Variants in ATP8A2 observed in about 807,000 individuals in gnomAD.
ATP8A2 encodes ATPase phospholipid transporting 8A2, also known as phospholipid-transporting ATPase IB.
Under a neutral mutation model 165.6 loss-of-function variants are expected in ATP8A2, and 100 were observed. That is an observed-to-expected ratio of 0.60 (90% CI 0.51 to 0.71). The LOEUF (loss-of-function observed/expected upper bound fraction) is 0.71. ATP8A2 is among the 30% of genes least tolerant of loss of function. The probability of loss-of-function intolerance (pLI) is 0.00; values close to 1 mark genes in which losing one functional copy is unlikely to be tolerated. For missense variants in ATP8A2, 1,227 were observed against 1,479.5 expected, an observed-to-expected ratio of 0.83 and a Z score of 2.80; for synonymous variants, 543 against 548.8, an observed-to-expected ratio of 0.99 and a Z score of 0.15.
intron 25 of ATP8A2, among the ~76,000 whole-genome samples, chr13:25,703,474 G>T (rs1303727816): frequency 6.6e-6 from 1 of 152,064 alleles, no homozygotes; most frequent in Non-Finnish European, 1.5e-5. Flanking sequence ...ACACCCAAAA[G>T]AATTAAAAAC....
At chr13:25,573,327 A>G (rs1382576132) in intron 18 of ATP8A2, among the ~76,000 whole-genome samples, 1 of 144,928 alleles carries the variant, frequency 6.9e-6, no homozygotes, top group Non-Finnish European at 1.5e-5. Context: ...TGGAACCTAG[A>G]GAGCCTATTG....
intron 1 of ATP8A2, among the ~76,000 whole-genome samples, chr13:25,466,690 G>C (rs546058215): frequency 6.6e-6 from 1 of 152,284 alleles, no homozygotes; most frequent in South Asian, 2.1e-4. Context: ...AGAGGGCAGG[G>C]CCCGGGAACT....
At chr13:25,757,527 A>ATGTG in intron 25 of ATP8A2, among the ~76,000 whole-genome samples, 1 of 116,336 alleles carries the variant, frequency 8.6e-6, no homozygotes, top group Admixed American at 8.4e-5. Context: ...GTGTGTGTGC[A>ATGTG]CACGCACTTA....
chr13:25,942,452 C>T (rs1955096673), intron 33 of ATP8A2, among the ~76,000 whole-genome samples: 1 of 152,010 alleles, frequency 6.6e-6, no homozygotes. Flanking sequence ...GATGAAGTCT[C>T]GCTCTTGTAC....
intron 24 of ATP8A2, among the ~76,000 whole-genome samples, chr13:25,611,190 G>C (rs1270394182): frequency 6.6e-6 from 1 of 152,012 alleles, no homozygotes; most frequent in Non-Finnish European, 1.5e-5. Flanking sequence ...ATGTTGAATA[G>C]AAGTGGTGAA....
rs145075076 is a variant in ATP8A2 at position 26,025,037 on chromosome 13, A to G, written c.*5052A>G. 11 of 150,074 alleles carry G rather than the reference A, an allele frequency of 7.3e-5. No individual in the cohort carries two copies. In the East Asian group the frequency reaches 2.0e-3, roughly 27 times the overall value. 9.3% of individuals were successfully genotyped at this position (150,074 alleles called of 1,614,324 possible). On this transcript the variant is annotated 3_prime_UTR_variant, in exon 37 of 37. Transcript: ENST00000381655. The stretch of plus-strand genomic sequence containing the variant: ...AGAGCAGGCTGCGAACTCACTTCCA[A>G]TGGGATTGGAGTCTGTTGTATTCTT...
intron 27 of ATP8A2, among the ~76,000 whole-genome samples, chr13:25,819,513 T>C (rs535886975): frequency 9.9e-5 from 15 of 152,222 alleles, no homozygotes; most frequent in Non-Finnish European, 1.8e-4. Flanking sequence ...TTATTTATTT[T>C]GCCTTTTCCT....
intron 30 of ATP8A2, among the ~76,000 whole-genome samples, chr13:25,851,159 C>T (rs1012180592): frequency 1.3e-5 from 2 of 152,306 alleles, no homozygotes; most frequent in South Asian, 4.2e-4. Flanking sequence ...TGCTGAGTTA[C>T]CTCTCCAAAA....
At chr13:25,534,262 C>T (rs10492697) in intron 6 of ATP8A2, 30,162 of 524,186 alleles carry the variant, frequency 0.058, 1,108 homozygotes, top group African/African-American at 0.12. Context: ...ATCTTGAAGT[C>T]GTATGCTGCA....
chr13:25,450,620 C>T (rs1050133094), intron 1 of ATP8A2, among the ~76,000 whole-genome samples: 1 of 152,100 alleles, frequency 6.6e-6, no homozygotes, highest in African/African-American at 2.4e-5. Flanking sequence ...CAAGCTCCGC[C>T]TCCCGGGTTC....
Position 25,675,844 on chromosome 13 carries a change from A to G in ATP8A2, c.2212-23329A>G, listed in dbSNP as rs185881222. 2.0e-5 allele frequency among the ~76,000 whole-genome samples: 3 copies of G among 152,282 alleles called. No homozygotes were observed. The East Asian group carries it at 5.8e-4, about 29-fold the overall frequency. ...AGGGCTTTGCATGTGAAAAAATGAC[A>G]TTTTAAGTTGAAATGCCATAATTAA... On this transcript the variant is annotated intron_variant, in intron 24 of 36. Coordinates refer to ENST00000381655, the MANE Select transcript of ATP8A2 (RefSeq NM_016529.6).
intron 24 of ATP8A2, among the ~76,000 whole-genome samples, chr13:25,681,610 C>CA (rs2042490017): frequency 6.6e-6 from 1 of 152,068 alleles, no homozygotes; most frequent in South Asian, 2.1e-4. Context: ...CCCACAATAA[C>CA]AAAAAATGGC....
chr13:25,726,985 C>G (rs1273593371), intron 25 of ATP8A2, among the ~76,000 whole-genome samples: 1 of 152,100 alleles, frequency 6.6e-6, no homozygotes, highest in African/African-American at 2.4e-5. Flanking sequence ...ACATTTCAGC[C>G]TCATTTTTCG....
rs188885756 is a variant in ATP8A2, at chr13:25,633,470, C to T, written c.2211+43771C>T. Among the ~76,000 whole-genome samples the T allele has an allele frequency of 4.0e-3, 604 of 152,218 alleles. 6 individuals are homozygous for T. The highest frequency in any genetic ancestry group is 0.014 in the African/African-American group (582 of 41,540). ...GCAAGAGAGTGCATGGGAATACGAGCGAGATCACCTCTTTGTCTTTTTAGA... is the reference window on the plus strand; with the variant it reads ...GCAAGAGAGTGCATGGGAATACGAGTGAGATCACCTCTTTGTCTTTTTAGA... On this transcript the variant is annotated intron_variant, in intron 24 of 36. Transcript: ENST00000381655.
At chr13:25,436,168 A>G (rs1464108587) in intron 1 of ATP8A2, among the ~76,000 whole-genome samples, 2 of 151,914 alleles carry the variant, frequency 1.3e-5, no homozygotes, top group African/African-American at 4.8e-5. Flanking sequence ...GGTCTGTCAC[A>G]TGGGAACAGT....
chr13:25,978,424 A>AGGT (rs1956106814), intron 35 of ATP8A2, among the ~76,000 whole-genome samples: 1 of 152,224 alleles, frequency 6.6e-6, no homozygotes, highest in South Asian at 2.1e-4. Flanking sequence ...ACAAACAGGC[A>AGGT]GGTACACCCA....
At chr13:25,468,911 C>A in intron 1 of ATP8A2, 66 bp from the exon 2 acceptor site, 1 of 1,580,098 alleles carries the variant, frequency 6.3e-7, no homozygotes, top group South Asian at 1.1e-5. Context: ...GGCCCGCGCT[C>A]GCAGCCTCCC....
chr13:25,426,262 T>C lies in ATP8A2; in HGVS notation c.77-42715T>C, dbSNP rs114930285. Among the ~76,000 whole-genome samples the C allele has an allele frequency of 8.7e-3, 1,324 of 152,280 alleles. 25 individuals are homozygous for C. The highest frequency in any genetic ancestry group is 0.029 in the African/African-American group (1,192 of 41,546). On this transcript the variant is annotated intron_variant, in intron 1 of 36. Coordinates refer to ENST00000381655, the MANE Select transcript of ATP8A2 (RefSeq NM_016529.6). ...TGAGGCCTCAGGGAGCTGTGACTTATGGCAGAAGGAGGAGCAGGAGCTTGC... is the reference window on the plus strand; with the variant it reads ...TGAGGCCTCAGGGAGCTGTGACTTACGGCAGAAGGAGGAGCAGGAGCTTGC...
chr13:25,793,140 A>G (rs959556993), intron 27 of ATP8A2, among the ~76,000 whole-genome samples: 12 of 152,194 alleles, frequency 7.9e-5, no homozygotes, highest in Admixed American at 6.5e-4. Flanking sequence ...AGGGATTTTC[A>G]CAGCAGTGCT....
Sources: allele counts gnomAD v4.1 joint callset (sites outside exome capture counted in the v4.1 genomes callset), GRCh38; gene constraint gnomAD v4.1.1; transcripts MANE v1.5; gene names NCBI Gene and HGNC (gene_info 2026-07-23, HGNC 2026-07-21).